Variants in ADGRL4 observed in about 807,000 individuals in gnomAD.
The protein encoded by ADGRL4 is EGF, latrophilin and seven transmembrane domain containing 1.
Under a neutral mutation model 74.8 loss-of-function variants are expected in ADGRL4, and 90 were observed. The observed-to-expected ratio is 1.20, with a 90% CI of 1.02 to 1.43. The LOEUF (loss-of-function observed/expected upper bound fraction) is 1.43, where lower values mean the gene tolerates loss of function less well. Ranked by LOEUF, ADGRL4 falls within the 40% of genes most tolerant of loss-of-function variation. The probability of loss-of-function intolerance (pLI) is 0.00; values close to 1 mark genes in which losing one functional copy is unlikely to be tolerated. For missense variants in ADGRL4, 881 were observed against 814.3 expected (o/e 1.08, Z -1.00); for synonymous variants, 311 against 279.2 (o/e 1.11, Z -1.14).
intron 7 of ADGRL4, among the ~76,000 whole-genome samples, chr1:78,935,554 T>TA (rs1013159206): frequency 7.9e-5 from 12 of 151,932 alleles, no homozygotes; most frequent in African/African-American, 2.4e-4. Flanking sequence ...AAACCTACTT[T>TA]AAAAAAATCT....
At chr1:78,994,840 A>G (rs1650681850) in intron 2 of ADGRL4, among the ~76,000 whole-genome samples, 1 of 152,268 alleles carries the variant, frequency 6.6e-6, no homozygotes, top group South Asian at 2.1e-4. Flanking sequence ...ATACCTGGCA[A>G]TATATATTAC....
intron 8 of ADGRL4, among the ~76,000 whole-genome samples, chr1:78,922,391 C>A (rs1215931492): frequency 6.6e-6 from 1 of 151,866 alleles, no homozygotes; most frequent in Non-Finnish European, 1.5e-5. Context: ...CAGAGGCATT[C>A]CAGAAACTTG....
chr1:78,925,748 T>A (rs115174513), intron 8 of ADGRL4, among the ~76,000 whole-genome samples: 2,021 of 152,188 alleles, frequency 0.013, 46 homozygotes, highest in African/African-American at 0.047. Flanking sequence ...AGTTTTTGTT[T>A]AAATACGCGT....
At chr1:78,964,866 T>C (rs924144511) in intron 2 of ADGRL4, among the ~76,000 whole-genome samples, 2 of 152,220 alleles carry the variant, frequency 1.3e-5, no homozygotes, top group Non-Finnish European at 2.9e-5. Context: ...TAAAAATGAC[T>C]GTGATAGCAT....
chr1:78,912,685 A>T (rs1648788388), intron 12 of ADGRL4, among the ~76,000 whole-genome samples: 1 of 151,880 alleles, frequency 6.6e-6, no homozygotes, highest in Non-Finnish European at 1.5e-5. Flanking sequence ...AACTGCCAGA[A>T]CAGACTCTTT....
chr1:78,986,279 G>T (rs1650493237), intron 2 of ADGRL4, among the ~76,000 whole-genome samples: 1 of 151,672 alleles, frequency 6.6e-6, no homozygotes, highest in Admixed American at 6.6e-5. Flanking sequence ...TTATACAGCA[G>T]AACTATGACT....
At chr1:78,982,635 T>A (rs898093374) in intron 2 of ADGRL4, among the ~76,000 whole-genome samples, 3 of 151,948 alleles carry the variant, frequency 2.0e-5, no homozygotes, top group African/African-American at 4.8e-5. Context: ...ATAATCTCAA[T>A]ACCCTTCTCC....
chr1:78,892,901 T>C (rs1648313557), intron 13 of ADGRL4, among the ~76,000 whole-genome samples, 197 bp downstream of exon 13: 1 of 151,994 alleles, frequency 6.6e-6, no homozygotes, highest in African/African-American at 2.4e-5. Flanking sequence ...TTGAAAAAAT[T>C]GCTTCTTACC....
chr1:78,907,633 T>C (rs1260051828), intron 12 of ADGRL4, among the ~76,000 whole-genome samples: 5 of 152,016 alleles, frequency 3.3e-5, no homozygotes, highest in Admixed American at 2.0e-4. Flanking sequence ...AGCGGGACTT[T>C]CCTTGGAAAG....
intron 2 of ADGRL4, among the ~76,000 whole-genome samples, chr1:78,955,428 CA>C (rs1421353724): frequency 6.6e-6 from 1 of 152,034 alleles, no homozygotes; most frequent in Non-Finnish European, 1.5e-5. Flanking sequence ...TCCCAAGCTG[CA>C]GAGATTTTTT....
chr1:78,942,586 T>C (rs548016708), intron 3 of ADGRL4, among the ~76,000 whole-genome samples: 22 of 152,294 alleles, frequency 1.4e-4, no homozygotes, highest in African/African-American at 4.3e-4. Flanking sequence ...AACTAATAAT[T>C]TGATATCACT....
At chr1:78,907,860 G>C (rs146520113) in intron 12 of ADGRL4, among the ~76,000 whole-genome samples, 82 of 151,860 alleles carry the variant, frequency 5.4e-4, no homozygotes, top group Non-Finnish European at 1.0e-3. Flanking sequence ...TGCACTTCTA[G>C]GTAAAGTATC....
At chr1:78,983,056 A>G (rs557886348) in intron 2 of ADGRL4, among the ~76,000 whole-genome samples, 89 of 151,988 alleles carry the variant, frequency 5.9e-4, no homozygotes, top group African/African-American at 1.9e-3. Context: ...CTATGATCAT[A>G]GAAACTCCAA....
chr1:78,892,667 T>C (rs542993920), intron 13 of ADGRL4, among the ~76,000 whole-genome samples: 1 of 152,168 alleles, frequency 6.6e-6, no homozygotes, highest in Admixed American at 6.6e-5. Context: ...TTCCCTATAG[T>C]ATAATTCAGC....
rs1648271124 is a variant in ADGRL4 at position 78,891,464 on chromosome 1, A to G, written c.2010+60T>C. 17 of 1,518,976 alleles carry G rather than the reference A, an allele frequency of 1.1e-5. No homozygotes were observed. The South Asian group carries it at 1.9e-4, about 17-fold the overall frequency. The allele number at this position is 1,518,976 out of a possible 1,614,324, so 94.1% of individuals were successfully genotyped here. On this transcript the variant is annotated intron_variant, in intron 14 of 14. Coordinates refer to ENST00000370742, the MANE Select transcript of ADGRL4 (RefSeq NM_022159.4). ...TCTATGAGAGTAAGAATTTTCTATCAATTTGGCAACTGATGTTACATGAAT... is the reference window on the plus strand; with the variant it reads ...TCTATGAGAGTAAGAATTTTCTATCGATTTGGCAACTGATGTTACATGAAT...
chr1:79,005,341 A>T (rs1650936742), intron 1 of ADGRL4, 122 bp from the exon 2 acceptor site: 1 of 850,652 alleles, frequency 1.2e-6, no homozygotes, highest in South Asian at 3.0e-5. Flanking sequence ...TGGATTATAA[A>T]TTTTTCCCAA....
intron 12 of ADGRL4, among the ~76,000 whole-genome samples, chr1:78,900,402 C>T (rs368049779): frequency 3.9e-5 from 6 of 152,216 alleles, no homozygotes; most frequent in Non-Finnish European, 5.9e-5. Flanking sequence ...ACGTTTGTGT[C>T]GTCTTAGGCC....
chr1:78,932,848 C>T (rs1309587437), intron 7 of ADGRL4, among the ~76,000 whole-genome samples: 3 of 151,260 alleles, frequency 2.0e-5, no homozygotes, highest in Non-Finnish European at 4.4e-5. Flanking sequence ...TTCCTGGGCA[C>T]ATACAATTTC....
chr1:78,967,009 C>T (rs78095661), intron 2 of ADGRL4, among the ~76,000 whole-genome samples: 13 of 151,620 alleles, frequency 8.6e-5, no homozygotes, highest in East Asian at 5.8e-4. Flanking sequence ...GTGTAGTATG[C>T]GTTGTGTACG....
Sources: gnomAD v4.1 joint callset for allele counts (sites outside exome capture counted in the v4.1 genomes callset) on GRCh38, gnomAD v4.1.1 for gene constraint, MANE v1.5 for transcripts, NCBI Gene and HGNC (gene_info 2026-07-23, HGNC 2026-07-21) for gene names.